IKZF4: variants seen among roughly 807,000 people sequenced by gnomAD.
The protein encoded by IKZF4 is IKAROS family zinc finger 4.
In IKZF4, 11 loss-of-function variants were observed where a neutral mutation model predicts 47.7. That is an observed-to-expected ratio of 0.23 (90% CI 0.15 to 0.38). The LOEUF (loss-of-function observed/expected upper bound fraction) is 0.38. Ranked by LOEUF, IKZF4 falls within the 10% of genes least tolerant of loss-of-function variation. The probability of loss-of-function intolerance (pLI) is 1.00; values close to 1 mark genes in which losing one functional copy is unlikely to be tolerated. For missense variants in IKZF4, 557 were observed against 784.9 expected (o/e 0.71, Z 3.47); for synonymous variants, 298 against 299.4 (o/e 1.00, Z 0.05).
intron 7 of IKZF4, 61 bp downstream of exon 7, chr12:56,033,382 G>A (rs1013996646): frequency 3.2e-5 from 52 of 1,601,738 alleles, no homozygotes; most frequent in Non-Finnish European, 4.4e-5. Context: ...AATCTGAGCT[G>A]TGTGGTCTGG....
chr12:56,032,322 G>A (rs568162228), intron 5 of IKZF4: 43 of 470,728 alleles, frequency 9.1e-5, no homozygotes, highest in Admixed American at 6.4e-4. Context: ...CCACCAGTCT[G>A]AAGCCACATG....
chr12:56,015,140 G>C (rs1346826012), intron 2 of IKZF4, among the ~76,000 whole-genome samples: 1 of 152,132 alleles, frequency 6.6e-6, no homozygotes, highest in African/African-American at 2.4e-5. Flanking sequence ...GCAATGGCAC[G>C]ATCTCGGCTC....
chr12:56,027,130 G>A (rs1394204474), intron 4 of IKZF4, 89 bp downstream of exon 4: 6 of 1,304,684 alleles, frequency 4.6e-6, no homozygotes, highest in Non-Finnish European at 6.0e-6. Flanking sequence ...GTATGGGGCT[G>A]GAGGAGGTCA....
At chr12:56,024,327 C>T (rs1490858773) in intron 2 of IKZF4, among the ~76,000 whole-genome samples, 2 of 152,198 alleles carry the variant, frequency 1.3e-5, no homozygotes, top group African/African-American at 4.8e-5. Flanking sequence ...AGGCCCAATT[C>T]TTCCCTACTA....
In IKZF4 at chr12:56,034,880, A is replaced by C. The variant is rs1593007241; in HGVS notation, c.1307A>C (p.Tyr436Ser). The C allele has an allele frequency of 6.2e-7, 1 of 1,608,930 alleles. No individual in the cohort carries two copies. The highest frequency in any genetic ancestry group is 2.2e-5 in the East Asian group (1 of 44,662). ...EDLADGGPLLYRPRGPLTDPG... is the reference protein window; with the variant it reads ...EDLADGGPLLSRPRGPLTDPG... The stretch of plus-strand genomic sequence containing the variant: ...CTGGCTGATGGAGGTCCCCTCCTCT[A>C]CCGGCCCCGAGGCCCCCTGACTGAC... Residue 436 changes from tyrosine (Y) to serine (S), a missense_variant, in exon 8 of 8, where the codon TAC becomes TCC. Tyr to Ser is a moderately radical substitution (Grantham distance 144, BLOSUM62 -2). This residue lies in a region of IKZF4 where 280 missense variants were observed against 314.0 expected (regional missense o/e 0.89). Coordinates refer to ENST00000547167, the MANE Select transcript of IKZF4 (RefSeq NM_022465.4).
chr12:56,021,765 G>A (rs1203006598), intron 1 of IKZF4, 185 bp downstream of exon 1: 5 of 895,858 alleles, frequency 5.6e-6, no homozygotes, highest in South Asian at 3.5e-5. Flanking sequence ...TTATACTTGC[G>A]GAGGATGGGA....
chr12:56,032,913 C>G (rs147559855), intron 6 of IKZF4, among the ~76,000 whole-genome samples: 2 of 152,072 alleles, frequency 1.3e-5, no homozygotes, highest in Non-Finnish European at 2.9e-5. Context: ...TTAGGGAGAT[C>G]GACAGGTAGG....
chr12:56,007,949 AG>A, intron 1 of IKZF4, among the ~76,000 whole-genome samples: 1 of 151,604 alleles, frequency 6.6e-6, no homozygotes, highest in Non-Finnish European at 1.5e-5. Flanking sequence ...GCGAGGTAGC[AG>A]GGACTCGGGG....
At chr12:56,027,999 T>G in intron 5 of IKZF4, 52 bp downstream of exon 5, 1 of 1,487,716 alleles carries the variant, frequency 6.7e-7, no homozygotes, top group Non-Finnish European at 8.9e-7. Context: ...ACACCCAGTA[T>G]GTAGAGCTCA....
chr12:56,019,321 G>A (rs1422332826), upstream of IKZF4: 3 of 978,180 alleles, frequency 3.1e-6, no homozygotes, highest in Non-Finnish European at 3.6e-6. Context: ...TCTAAAGTAG[G>A]ACCAATGAAG....
intron 7 of IKZF4, 85 bp downstream of exon 7, chr12:56,033,406 G>A: frequency 1.9e-6 from 3 of 1,563,954 alleles, no homozygotes; most frequent in Non-Finnish European, 2.6e-6. Context: ...TTCGGTTTGG[G>A]GAAAGAAAGC....
At chr12:56,027,999 T>C (rs1894290390) in intron 5 of IKZF4, 52 bp downstream of exon 5, 1 of 1,487,598 alleles carries the variant, frequency 6.7e-7, no homozygotes, top group African/African-American at 1.4e-5. Flanking sequence ...ACACCCAGTA[T>C]GTAGAGCTCA....
Position 56,034,831 on chromosome 12 carries a change from G to C in IKZF4, c.1258G>C (p.Glu420Gln). 6.2e-7 allele frequency: 1 copy of C among 1,613,892 alleles called. No individual in the cohort carries two copies. Among genetic ancestry groups the C allele is most frequent in the Middle Eastern group, 1.6e-4 (1 of 6,062 alleles). Residue 420 changes from glutamate (E) to glutamine (Q), a missense_variant, in exon 8 of 8, where the codon GAA becomes CAA. By Grantham distance (29) the Glu-to-Gln change is conservative. Transcript: ENST00000547167. ...TCGACTGGAGCTTCCAGGATCCCGAGAAGCAGGTGAGGGACCTGAGGACCT... is the reference window on the plus strand; with the variant it reads ...TCGACTGGAGCTTCCAGGATCCCGACAAGCAGGTGAGGGACCTGAGGACCT... The part of the protein sequence containing the change: ...PGRLELPGSR[E>Q]AGEGPEDLAD...
chr12:56,015,221 C>A (rs891071457), intron 2 of IKZF4, among the ~76,000 whole-genome samples: 1 of 151,748 alleles, frequency 6.6e-6, no homozygotes, highest in African/African-American at 2.4e-5. Flanking sequence ...GGATTACGGG[C>A]GCACCCCACC....
intron 2 of IKZF4, chr12:56,024,547 G>A: frequency 2.8e-6 from 2 of 708,272 alleles, no homozygotes; most frequent in Non-Finnish European, 3.5e-6. Flanking sequence ...TTCATTTCAA[G>A]TGCACAGAAT....
intron 2 of IKZF4, among the ~76,000 whole-genome samples, chr12:56,024,343 G>A (rs1893589786): frequency 6.6e-6 from 1 of 152,152 alleles, no homozygotes; most frequent in Admixed American, 6.5e-5. Flanking sequence ...TACTAAGATT[G>A]TGACCACCAA....
intron 7 of IKZF4, among the ~76,000 whole-genome samples, chr12:56,033,662 G>A (rs140533474): frequency 0.01 from 1,597 of 152,124 alleles, 23 homozygotes; most frequent in African/African-American, 0.037. Context: ...AGCGGAGATC[G>A]CGCCACTGCA....
chr12:56,032,777 G>C, intron 6 of IKZF4, 67 bp downstream of exon 6: 1 of 1,546,242 alleles, frequency 6.5e-7, no homozygotes, highest in Non-Finnish European at 8.9e-7. Context: ...AGACAAGGGT[G>C]ACTCCAGTAT....
rs1555206602 is a variant in IKZF4 at position 56,034,962 on chromosome 12, C to T, written c.1389C>T (p.His463=). 14 of 1,566,846 alleles carry T rather than the reference C, an allele frequency of 8.9e-6. No homozygotes were observed. The highest frequency in any genetic ancestry group is 1.8e-5 in the Admixed American group (1 of 54,644). ...CQDSTDTESN[H]EDRVAGVVSL... ...ACTCCACAGACACAGAAAGCAACCA[C>T]GAAGATCGGGTTGCGGGGGTGGTAT... Residue 463 remains histidine, a synonymous_variant, in exon 8 of 8, where the codon CAC becomes CAT. Transcript: ENST00000547167.
Sources: allele counts gnomAD v4.1 joint callset (sites outside exome capture counted in the v4.1 genomes callset), GRCh38; gene constraint gnomAD v4.1.1; regional missense constraint gnomAD v4.1.1; transcripts MANE v1.5; gene names NCBI Gene and HGNC (gene_info 2026-07-23, HGNC 2026-07-21).